RASAL2: variants seen among roughly 807,000 people sequenced by gnomAD.
RASAL2 encodes ras GTPase-activating protein nGAP.
A neutral mutation model predicts 128.9 loss-of-function variants in RASAL2; 58 were observed. The ratio of observed to expected loss-of-function variants is 0.45; its 90% CI spans 0.36 to 0.56. The LOEUF (loss-of-function observed/expected upper bound fraction) is 0.56. Ranked by LOEUF, RASAL2 falls within the 20% of genes least tolerant of loss-of-function variation. The pLI, the probability that RASAL2 is intolerant of heterozygous loss-of-function variation, is 0.00. For synonymous variants in RASAL2, 561 were observed against 580.8 expected, an observed-to-expected ratio of 0.97 and a Z score of 0.49; for missense variants, 1,360 against 1,601.6, an observed-to-expected ratio of 0.85 and a Z score of 2.57.
chr1:178,107,657 A>C (rs1403666248), intron 1 of RASAL2, among the ~76,000 whole-genome samples: 1 of 152,026 alleles, frequency 6.6e-6, no homozygotes, highest in Non-Finnish European at 1.5e-5. Flanking sequence ...GGTAACCTCT[A>C]TTCTTTCTGT....
chr1:178,370,060 C>G (rs766150481), intron 3 of RASAL2, among the ~76,000 whole-genome samples: 6 of 152,110 alleles, frequency 3.9e-5, no homozygotes, highest in African/African-American at 7.2e-5. Context: ...CAAGAGGTAC[C>G]AAAGTCATTC....
chr1:178,429,304 T>C (rs1356764267), intron 5 of RASAL2, among the ~76,000 whole-genome samples: 1 of 152,112 alleles, frequency 6.6e-6, no homozygotes, highest in Non-Finnish European at 1.5e-5. Flanking sequence ...AGTTAGTTGG[T>C]CATTTCTCAT....
At chr1:178,286,109 G>GTCT (rs1308361421) in intron 2 of RASAL2, among the ~76,000 whole-genome samples, 2 of 152,052 alleles carry the variant, frequency 1.3e-5, no homozygotes, top group Non-Finnish European at 2.9e-5. Flanking sequence ...TTCTGACACT[G>GTCT]TCTTCCACTT....
chr1:178,157,707 G>C (rs1012583439), intron 1 of RASAL2, among the ~76,000 whole-genome samples: 14 of 152,004 alleles, frequency 9.2e-5, no homozygotes, highest in Non-Finnish European at 1.5e-4. Flanking sequence ...AAATCTGTTA[G>C]GTAAGAAGTC....
intron 1 of RASAL2, among the ~76,000 whole-genome samples, chr1:178,155,841 A>G (rs745566863): frequency 3.3e-5 from 5 of 152,114 alleles, no homozygotes; most frequent in Non-Finnish European, 7.4e-5. Flanking sequence ...TATTACATCT[A>G]TATCCAAGTT....
intron 14 of RASAL2, among the ~76,000 whole-genome samples, chr1:178,460,459 C>G (rs1558008913): frequency 6.6e-6 from 1 of 152,078 alleles, no homozygotes; most frequent in East Asian, 1.9e-4. Flanking sequence ...AAATACAATA[C>G]CTATCGCATA....
intron 1 of RASAL2, among the ~76,000 whole-genome samples, chr1:178,166,417 G>A (rs917878153): frequency 6.6e-6 from 1 of 152,114 alleles, no homozygotes; most frequent in East Asian, 1.9e-4. Flanking sequence ...TTAATAGTTA[G>A]CATCCTTATG....
intron 3 of RASAL2, among the ~76,000 whole-genome samples, chr1:178,348,190 T>C (rs911499942): frequency 3.3e-5 from 5 of 152,210 alleles, no homozygotes; most frequent in Non-Finnish European, 5.9e-5. Flanking sequence ...TGTTCTGTGG[T>C]GGTGTTGTTT....
intron 3 of RASAL2, among the ~76,000 whole-genome samples, chr1:178,360,083 G>A (rs1019858157): frequency 4.6e-5 from 7 of 152,116 alleles, no homozygotes; most frequent in Non-Finnish European, 8.8e-5. Context: ...GGAGCCAATC[G>A]TTGTTTACTT....
intron 1 of RASAL2, among the ~76,000 whole-genome samples, chr1:178,273,940 T>C (rs1487405333): frequency 6.6e-6 from 1 of 152,220 alleles, no homozygotes; most frequent in Non-Finnish European, 1.5e-5. Context: ...ATCTAATTCC[T>C]AGTGAGTGAC....
intron 1 of RASAL2, among the ~76,000 whole-genome samples, chr1:178,282,288 G>A (rs1297299858): frequency 2.0e-5 from 3 of 152,014 alleles, no homozygotes; most frequent in Non-Finnish European, 2.9e-5. Context: ...GCCTTAGAGA[G>A]GACAGGAAGT....
chr1:178,206,403 G>A (rs907468188), intron 1 of RASAL2, among the ~76,000 whole-genome samples: 2 of 152,122 alleles, frequency 1.3e-5, no homozygotes, highest in Non-Finnish European at 2.9e-5. Flanking sequence ...ATTGATAATA[G>A]GTGTGACACT....
At position 178,283,606 on chromosome 1, in the gene RASAL2, C is replaced by T. The variant is rs780569696; in HGVS notation, c.245C>T (p.Ser82Leu). The T allele has an allele frequency of 6.2e-7, 1 of 1,613,648 alleles. No homozygotes were observed. Among genetic ancestry groups the T allele is most frequent in the African/African-American group, 1.3e-5 (1 of 74,822 alleles). The change falls in exon 2 of 18, where the codon TCA becomes TTA. Residue 82 changes from serine (S) to leucine (L), a missense_variant. Physicochemically the swap from Ser to Leu is moderately radical, Grantham distance 145. Around this residue, in one of 3 missense-constraint regions of RASAL2, gnomAD observed 617 missense variants for 714.2 expected, o/e 0.86. Transcript: ENST00000367649. ...ACCCACCGTCTGTCTTGTGGTCAGTCACCCTACACCGAGACAACAACGTGG... is the reference window on the plus strand; with the variant it reads ...ACCCACCGTCTGTCTTGTGGTCAGTTACCCTACACCGAGACAACAACGTGG... ...PPTHRLSCGQ[S>L]PYTETTTWER...
intron 1 of RASAL2, among the ~76,000 whole-genome samples, chr1:178,244,403 C>T (rs760070440): frequency 2.6e-5 from 4 of 151,880 alleles, no homozygotes; most frequent in Non-Finnish European, 4.4e-5. Context: ...CCACCACGCC[C>T]GGCTAATTTT....
At chr1:178,115,066 T>C (rs931277053) in intron 1 of RASAL2, among the ~76,000 whole-genome samples, 9 of 152,314 alleles carry the variant, frequency 5.9e-5, no homozygotes, top group African/African-American at 1.9e-4. Context: ...ATTAGTACTA[T>C]TTCTTCCTTA....
At chr1:178,188,088 T>G (rs973076737) in intron 1 of RASAL2, among the ~76,000 whole-genome samples, 1 of 152,170 alleles carries the variant, frequency 6.6e-6, no homozygotes, top group Non-Finnish European at 1.5e-5. Context: ...CTTTTCAGCT[T>G]ATATCTCCCT....
In RASAL2 at chr1:178,094,356, G is replaced by A; in HGVS notation, c.-137G>A. 2.6e-6 allele frequency: 2 copies of A among 767,522 alleles called. No individual in the cohort carries two copies. The highest frequency in any genetic ancestry group is 3.9e-6 in the Non-Finnish European group (2 of 506,650). The allele number at this position is 767,522 out of a possible 1,614,324, so 47.5% of individuals were successfully genotyped here. On this transcript the variant is annotated 5_prime_UTR_variant, in exon 1 of 18. In the 5' UTR this introduces an upstream ATG that the reference lacks. Transcript: ENST00000367649. ...TGGGCGACGGGGAAGGAGGTGAGAG[G>A]TGTCCGCGCCGGCTGCCGCTCGGGT...
intron 1 of RASAL2, among the ~76,000 whole-genome samples, chr1:178,118,990 C>T (rs1571500009): frequency 6.6e-6 from 1 of 152,080 alleles, no homozygotes; most frequent in African/African-American, 2.4e-5. Context: ...GTCTCAGCCT[C>T]CCAAGTAGCT....
intron 4 of RASAL2, among the ~76,000 whole-genome samples, chr1:178,405,408 A>C (rs929862987): frequency 2.0e-5 from 3 of 152,240 alleles, no homozygotes; most frequent in African/African-American, 7.2e-5. Flanking sequence ...TGAATATGCT[A>C]TCTTATGTGG....
Sources: gnomAD v4.1 joint callset for allele counts (sites outside exome capture counted in the v4.1 genomes callset) on GRCh38, gnomAD v4.1.1 for gene constraint, gnomAD v4.1.1 regional missense constraint, MANE v1.5 for transcripts, NCBI Gene and HGNC (gene_info 2026-07-23, HGNC 2026-07-21) for gene names.